Variants in ADAT1 observed in about 807,000 individuals in gnomAD.
The protein encoded by ADAT1 is adenosine deaminase tRNA specific 1.
A neutral mutation model predicts 58.6 loss-of-function variants in ADAT1; 58 were observed. The ratio of observed to expected loss-of-function variants is 0.99; its 90% CI spans 0.80 to 1.23. ADAT1 has a LOEUF of 1.23. Among genes scored for constraint, ADAT1 ranks in the 50% most tolerant of loss-of-function variants. The pLI, the probability that ADAT1 is intolerant of heterozygous loss-of-function variation, is 0.00. For missense variants in ADAT1, 741 were observed against 608.6 expected, an observed-to-expected ratio of 1.22 and a Z score of -2.29; for synonymous variants, 254 against 220.8, an observed-to-expected ratio of 1.15 and a Z score of -1.33.
chr16:75,617,052 G>A (rs972262949), intron 5 of ADAT1, 90 bp downstream of exon 5: 1 of 1,486,820 alleles, frequency 6.7e-7, no homozygotes, highest in Non-Finnish European at 9.1e-7. Flanking sequence ...TCAGCCATTA[G>A]TGCTTTTTAG....
chr16:75,600,409 C>G (rs775650625), intron 9 of ADAT1, 61 bp from the exon 10 acceptor site: 2 of 1,593,442 alleles, frequency 1.3e-6, no homozygotes, highest in Admixed American at 1.7e-5. Flanking sequence ...CCAGGGGCCA[C>G]CAGACACCTG....
intron 6 of ADAT1, among the ~76,000 whole-genome samples, chr16:75,610,849 C>A (rs550873851): frequency 1.8e-4 from 28 of 152,232 alleles, no homozygotes; most frequent in Non-Finnish European, 3.5e-4. Context: ...AGGTGGCTCA[C>A]ACCTATAATC....
At chr16:75,618,378 G>A (rs899821230) in intron 4 of ADAT1, among the ~76,000 whole-genome samples, 1 of 151,488 alleles carries the variant, frequency 6.6e-6, no homozygotes, top group African/African-American at 2.4e-5. Flanking sequence ...TGGTGGCACG[G>A]GCCTGTAGTC....
At chr16:75,620,190 C>G in intron 3 of ADAT1, 76 bp downstream of exon 3, 2 of 1,467,402 alleles carry the variant, frequency 1.4e-6, no homozygotes, top group Non-Finnish European at 1.9e-6. Flanking sequence ...CATGGCCCCT[C>G]TTCCCTGACA....
At chr16:75,609,091 G>T in intron 6 of ADAT1, 103 bp from the exon 7 acceptor site, 1 of 1,361,938 alleles carries the variant, frequency 7.3e-7, no homozygotes, top group Non-Finnish European at 1.0e-6. Flanking sequence ...GCAGGTGTGG[G>T]GATTTGTTTA....
chr16:75,611,369 T>C (rs1474504388), intron 6 of ADAT1, among the ~76,000 whole-genome samples: 1 of 152,064 alleles, frequency 6.6e-6, no homozygotes, highest in Admixed American at 6.6e-5. Flanking sequence ...AGTATAGACA[T>C]GTTTCCATAT....
intron 6 of ADAT1, 78 bp from the exon 7 acceptor site, chr16:75,609,066 C>G: frequency 6.6e-7 from 1 of 1,523,526 alleles, no homozygotes; most frequent in Non-Finnish European, 9.0e-7. Flanking sequence ...CTCACATCAT[C>G]ACCCCTGAGC....
At chr16:75,601,424 A>G (rs528430665) in intron 9 of ADAT1, among the ~76,000 whole-genome samples, 1 of 152,064 alleles carries the variant, frequency 6.6e-6, no homozygotes, top group Non-Finnish European at 1.5e-5. Context: ...ACTTCCCTTA[A>G]TTGTCTCAGC....
rs1348701055 is a variant in ADAT1 at position 75,598,428 on chromosome 16, AC to A, written c.*1787del. 6.1e-6 allele frequency: 1 copy of A among 162,958 alleles called. No homozygotes were observed. The highest frequency in any genetic ancestry group is 6.5e-5 in the Admixed American group (1 of 15,464). 10.1% of individuals were successfully genotyped at this position (162,958 alleles called of 1,614,324 possible). ...CCAGCTTGTGGTACTTCGTTAAGAA[AC>A]AGCTCTAGGAAACTATTACAGGCAC... On this transcript the variant is annotated 3_prime_UTR_variant, in exon 10 of 10. Transcript: ENST00000564657.
rs756065049 is a variant in ADAT1, at chr16:75,617,288, T to C, written c.294-16A>G. 5.0e-6 allele frequency: 8 copies of C among 1,608,868 alleles called. No individual in the cohort carries two copies. The East Asian group carries it at 1.1e-4, about 22-fold the overall frequency. On this transcript the variant is annotated splice_polypyrimidine_tract_variant and intron_variant, in intron 4 of 9. Transcript: ENST00000564657. Reference sequence around the variant, plus strand: ...GAGAAGGTACCTAAGGGTTGCAAGATGTTATTAGGATGAACAACCGATCTC... The same window carrying C: ...GAGAAGGTACCTAAGGGTTGCAAGACGTTATTAGGATGAACAACCGATCTC...
intron 9 of ADAT1, among the ~76,000 whole-genome samples, chr16:75,601,271 C>T (rs754478821): frequency 5.3e-5 from 8 of 151,144 alleles, no homozygotes; most frequent in East Asian, 1.9e-4. Context: ...ACCCAGGAAG[C>T]GGAGGTTCCT....
At chr16:75,616,260 G>A (rs1204730635) in intron 5 of ADAT1, among the ~76,000 whole-genome samples, 9 of 152,056 alleles carry the variant, frequency 5.9e-5, no homozygotes, top group African/African-American at 2.2e-4. Flanking sequence ...TGCCCGCCTC[G>A]GACTCCCAAA....
rs2081085954 is a variant in ADAT1 at position 75,597,039 on chromosome 16, G to C, written c.*3177C>G. On this transcript the variant is annotated 3_prime_UTR_variant, in exon 10 of 10. Coordinates refer to ENST00000564657, the MANE Select transcript of ADAT1 (RefSeq NM_001324445.2). ...GACAAATCCAAACAGACAGAAAGTA[G>C]ATTACTGATTGCCCTGGGGTAGGGG... 1 of 154,706 alleles carries C rather than the reference G, an allele frequency of 6.5e-6. No homozygotes were observed. Among genetic ancestry groups the C allele is most frequent in the Non-Finnish European group, 1.4e-5 (1 of 69,588 alleles). 9.6% of individuals were successfully genotyped at this position (154,706 alleles called of 1,614,324 possible).
At chr16:75,603,511 G>A (rs568986498) in intron 8 of ADAT1, among the ~76,000 whole-genome samples, 119 of 152,298 alleles carry the variant, frequency 7.8e-4, no homozygotes, top group African/African-American at 2.7e-3. Flanking sequence ...GGGTTTACAA[G>A]AAATGGAAAG....
At chr16:75,620,449 G>T in intron 2 of ADAT1, 115 bp from the exon 3 acceptor site, 1 of 1,431,186 alleles carries the variant, frequency 7.0e-7, no homozygotes, top group Non-Finnish European at 9.8e-7. Flanking sequence ...CTCAACCAAG[G>T]TCTGCGGTTC....
intron 5 of ADAT1, among the ~76,000 whole-genome samples, chr16:75,616,832 A>G (rs1273657694): frequency 6.6e-6 from 1 of 152,232 alleles, no homozygotes; most frequent in Non-Finnish European, 1.5e-5. Flanking sequence ...TAGGATTTCC[A>G]AGCCCCATGT....
intron 8 of ADAT1, among the ~76,000 whole-genome samples, chr16:75,606,995 AG>A (rs2081389020): frequency 6.6e-6 from 1 of 152,154 alleles, no homozygotes; most frequent in South Asian, 2.1e-4. Context: ...TGGGAGGCTG[AG>A]GTGGGCAGAT....
At chr16:75,608,000 G>A (rs1481658147) in intron 8 of ADAT1, among the ~76,000 whole-genome samples, 1 of 152,216 alleles carries the variant, frequency 6.6e-6, no homozygotes, top group Non-Finnish European at 1.5e-5. Context: ...GTCATATACT[G>A]TAGGATTCCA....
At chr16:75,602,543 C>T (rs1460144982) in intron 9 of ADAT1, among the ~76,000 whole-genome samples, 1 of 152,122 alleles carries the variant, frequency 6.6e-6, no homozygotes, top group African/African-American at 2.4e-5. Flanking sequence ...TGGGGCTTTC[C>T]TTAACTTGTG....
Sources: allele counts gnomAD v4.1 joint callset (sites outside exome capture counted in the v4.1 genomes callset), GRCh38; gene constraint gnomAD v4.1.1; transcripts MANE v1.5; gene names NCBI Gene and HGNC (gene_info 2026-07-23, HGNC 2026-07-21).